The following FEZ1 variants were observed in gnomAD, a reference collection of about 807,000 sequenced individuals.
The protein encoded by FEZ1 is fasciculation and elongation protein zeta-1.
In FEZ1, 20 loss-of-function variants were observed where a neutral mutation model predicts 49.3. That is an observed-to-expected ratio of 0.41 (90% CI 0.29 to 0.59). The LOEUF (loss-of-function observed/expected upper bound fraction) is 0.59, where lower values mean the gene tolerates loss of function less well. Ranked by LOEUF, FEZ1 falls within the 20% of genes least tolerant of loss-of-function variation. The pLI, the probability that FEZ1 is intolerant of heterozygous loss-of-function variation, is 0.36. For missense variants in FEZ1, 413 were observed against 476.0 expected, an observed-to-expected ratio of 0.87 and a Z score of 1.23; for synonymous variants, 170 against 180.9, an observed-to-expected ratio of 0.94 and a Z score of 0.48.
chr11:125,449,119 C>T (rs1172248746), intron 8 of FEZ1, among the ~76,000 whole-genome samples: 2 of 151,944 alleles, frequency 1.3e-5, no homozygotes, highest in East Asian at 1.9e-4. Flanking sequence ...CAGCTCACTA[C>T]AGCCTCAAAC....
At chr11:125,484,426 C>G (rs777339795) in intron 2 of FEZ1, among the ~76,000 whole-genome samples, 2 of 152,206 alleles carry the variant, frequency 1.3e-5, no homozygotes, top group Non-Finnish European at 2.9e-5. Flanking sequence ...TTTATGAATT[C>G]TGTAATTGGC....
chr11:125,473,474 A>G (rs980461472), intron 3 of FEZ1, among the ~76,000 whole-genome samples: 10 of 152,170 alleles, frequency 6.6e-5, no homozygotes. Context: ...CAACCTGGGA[A>G]TCAAAAATTT....
At chr11:125,459,181 G>A (rs990446289) in intron 5 of FEZ1, among the ~76,000 whole-genome samples, 24 of 152,202 alleles carry the variant, frequency 1.6e-4, no homozygotes, top group African/African-American at 5.1e-4. Flanking sequence ...CAATGTAATG[G>A]GTTCCATTCA....
chr11:125,488,616 G>T (rs637720), intron 2 of FEZ1: 88,754 of 511,518 alleles, frequency 0.17, 7,908 homozygotes, highest in African/African-American at 0.22. Context: ...GGAGGTGGAG[G>T]TTGCAGTGAG....
chr11:125,478,923 C>T (rs543495591), intron 3 of FEZ1, among the ~76,000 whole-genome samples: 2 of 152,334 alleles, frequency 1.3e-5, no homozygotes, highest in Admixed American at 1.3e-4. Context: ...AAAGCAAAAT[C>T]TGCCTTTTGT....
chr11:125,448,444 C>A lies in FEZ1; in HGVS notation c.1162+58G>T, dbSNP rs1565529891. On this transcript the variant is annotated intron_variant, in intron 9 of 9. Coordinates refer to ENST00000278919, the MANE Select transcript of FEZ1 (RefSeq NM_005103.5). Reference sequence around the variant, plus strand: ...TGGGCAAGCTGGGAAGGTTCCCTAACTGGAGCAGGAGCTCCAGAGAACCCC... The same window carrying A: ...TGGGCAAGCTGGGAAGGTTCCCTAAATGGAGCAGGAGCTCCAGAGAACCCC... The A allele has an allele frequency of 5.1e-6, 6 of 1,184,998 alleles. No individual in the cohort carries two copies. The South Asian group carries it at 6.1e-5, about 12-fold the overall frequency. 73.4% of individuals were successfully genotyped at this position (1,184,998 alleles called of 1,614,324 possible). A position where few individuals can be genotyped will look rare whatever the true frequency, so the allele number is the denominator to read the frequency against.
chr11:125,477,617 C>A (rs971780912), intron 3 of FEZ1, among the ~76,000 whole-genome samples: 12 of 152,172 alleles, frequency 7.9e-5, no homozygotes, highest in African/African-American at 2.9e-4. Context: ...CCTTTACATC[C>A]CAGGAGGCAG....
chr11:125,478,950 T>C (rs909406566), intron 3 of FEZ1, among the ~76,000 whole-genome samples: 8 of 152,226 alleles, frequency 5.3e-5, no homozygotes, highest in African/African-American at 1.9e-4. Context: ...ACGGACCTGA[T>C]TTAATTTCAG....
intron 3 of FEZ1, among the ~76,000 whole-genome samples, chr11:125,467,637 G>A (rs575604704): frequency 3.8e-4 from 58 of 152,220 alleles, no homozygotes; most frequent in African/African-American, 1.3e-3. Context: ...GGTCACTTGA[G>A]CCCAGCCTGG....
chr11:125,452,108 T>C (rs530847295), intron 8 of FEZ1, among the ~76,000 whole-genome samples: 89 of 152,328 alleles, frequency 5.8e-4, no homozygotes, highest in Non-Finnish European at 1.1e-3. Flanking sequence ...CCAGCAGGCC[T>C]CTTCCCTTAT....
rs1246035379 is a variant in FEZ1, at chr11:125,459,503, A to C, written c.667+995T>G. Among the ~76,000 whole-genome samples the C allele has an allele frequency of 2.6e-5, 4 of 152,118 alleles. No homozygotes were observed. In the East Asian group the frequency reaches 7.8e-4, roughly 30 times the overall value. ...GCTACTCAGGGGGCTGAGGCAGGAG[A>C]ATCGCGTGAAGCTGGGAGGCAGAGG... On this transcript the variant is annotated intron_variant, in intron 5 of 9. Coordinates refer to ENST00000278919, the MANE Select transcript of FEZ1 (RefSeq NM_005103.5).
At position 125,457,207 on chromosome 11, in the gene FEZ1, A is replaced by C. The variant is rs529424010; in HGVS notation, c.668-1101T>G. On this transcript the variant is annotated intron_variant, in intron 5 of 9. Transcript: ENST00000278919. ...ATCTTAAAATAAAAATAAATAAATA[A>C]ATAAATAAATAAAAACTTTATACCC... 1.8e-4 allele frequency among the ~76,000 whole-genome samples: 27 copies of C among 150,142 alleles called. No individual in the cohort carries two copies. The South Asian group carries it at 5.7e-3, about 32-fold the overall frequency.
chr11:125,481,533 C>T lies in FEZ1; in HGVS notation c.411+1G>A. ...CTAAACCAGGGGCCCCGGAGAGGTA[C>T]CTCAGTGTCAGAGCAGTTGCCATTC... is the stretch of plus-strand genomic sequence containing the variant. On this transcript the variant is annotated splice_donor_variant, in intron 3 of 9. Coordinates refer to ENST00000278919, the MANE Select transcript of FEZ1 (RefSeq NM_005103.5). LOFTEE classifies it high-confidence loss of function. 1 of 1,594,474 alleles carries T rather than the reference C, an allele frequency of 6.3e-7. No homozygotes were observed. Among genetic ancestry groups the T allele is most frequent in the Non-Finnish European group, 8.6e-7 (1 of 1,162,202 alleles).
intron 3 of FEZ1, among the ~76,000 whole-genome samples, chr11:125,465,966 G>A (rs1279458698): frequency 1.3e-5 from 2 of 152,216 alleles, no homozygotes; most frequent in African/African-American, 4.8e-5. Context: ...CTTGTGCACA[G>A]GGTGGAGAGC....
At position 125,489,660 on chromosome 11, in the gene FEZ1, C is replaced by T. The variant is rs1957362937; in HGVS notation, c.118G>A (p.Asp40Asn). The change falls in exon 2 of 10, where the codon GAC becomes AAC. Residue 40 changes from aspartate (D) to asparagine (N), a missense_variant. Physicochemically the swap from Asp to Asn is conservative, Grantham distance 23. Coordinates refer to ENST00000278919, the MANE Select transcript of FEZ1 (RefSeq NM_005103.5). The surrounding 1 kb of genome is among the most constrained non-coding windows in gnomAD (Gnocchi z 4.2). Reference sequence around the variant, plus strand: ...TTCTCAAGCTCGGAGAGGGAGGGGTCCTCGAGATGGTGGGGAGATGAACCA... The same window carrying T: ...TTCTCAAGCTCGGAGAGGGAGGGGTTCTCGAGATGGTGGGGAGATGAACCA... ...FYGSSPHHLE[D>N]PSLSELENFS... 6.2e-7 allele frequency: 1 copy of T among 1,613,870 alleles called. No homozygotes were observed. The highest frequency in any genetic ancestry group is 1.1e-5 in the South Asian group (1 of 91,062).
chr11:125,455,695 AC>A lies in FEZ1; in HGVS notation c.939+139del, dbSNP rs768882695. The A allele has an allele frequency of 2.3e-5, 19 of 836,666 alleles. No individual in the cohort carries two copies. In the East Asian group the frequency reaches 2.9e-4, roughly 13 times the overall value. 51.8% of individuals were successfully genotyped at this position (836,666 alleles called of 1,614,324 possible). On this transcript the variant is annotated intron_variant, in intron 6 of 9. Transcript: ENST00000278919. Reference sequence around the variant, plus strand: ...ATAGGTGATATCTTCTCCCTTTCTGACCCCCTGTCTGTCACAGTGTGCTGCT... The same window carrying A: ...ATAGGTGATATCTTCTCCCTTTCTGACCCCTGTCTGTCACAGTGTGCTGCT...
intron 1 of FEZ1, among the ~76,000 whole-genome samples, chr11:125,493,500 AAGAAAGAG>A (rs1398583540): frequency 0.063 from 6,649 of 105,978 alleles, 974 homozygotes; most frequent in Non-Finnish European, 0.075. Context: ...GAAAGAAAGA[AAGAAAGAG>A]AGAAAGAAAG....
At chr11:125,483,585 A>G (rs1026262875) in intron 2 of FEZ1, among the ~76,000 whole-genome samples, 2 of 152,214 alleles carry the variant, frequency 1.3e-5, no homozygotes, top group African/African-American at 2.4e-5. Flanking sequence ...GCTTTCTCCA[A>G]GACAAAACTC....
At chr11:125,484,512 G>A (rs759137305) in intron 2 of FEZ1, among the ~76,000 whole-genome samples, 5 of 152,050 alleles carry the variant, frequency 3.3e-5, no homozygotes, top group Admixed American at 1.3e-4. Flanking sequence ...CTGGCTCTGC[G>A]TGAAAATTAG....
Sources: allele counts gnomAD v4.1 joint callset (sites outside exome capture counted in the v4.1 genomes callset), GRCh38; gene constraint gnomAD v4.1.1; non-coding constraint Gnocchi (gnomAD v3.1); transcripts MANE v1.5; gene names NCBI Gene and HGNC (gene_info 2026-07-23, HGNC 2026-07-21).